CFAP299: variants seen among roughly 807,000 people sequenced by gnomAD.
CFAP299 encodes cilia and flagella associated protein 299.
In CFAP299, 21 loss-of-function variants were observed where a neutral mutation model predicts 27.0. The ratio of observed to expected loss-of-function variants is 0.78; its 90% CI spans 0.55 to 1.12. The LOEUF (loss-of-function observed/expected upper bound fraction) is 1.12, where lower values mean the gene tolerates loss of function less well. Ranked by LOEUF, CFAP299 falls within the 50% of genes most tolerant of loss-of-function variation. The pLI is 0.00. For missense variants in CFAP299, 310 were observed against 276.6 expected (o/e 1.12, Z -0.86); for synonymous variants, 104 against 98.1 (o/e 1.06, Z -0.36).
At chr4:80,796,124 G>A (rs1294870535) in intron 3 of CFAP299, among the ~76,000 whole-genome samples, 2 of 152,264 alleles carry the variant, frequency 1.3e-5, no homozygotes, top group East Asian at 3.9e-4. Context: ...ACCCAAATGA[G>A]GAATGTGTTG....
chr4:80,651,260 T>G (rs1440466298), intron 3 of CFAP299, among the ~76,000 whole-genome samples: 1 of 146,478 alleles, frequency 6.8e-6, no homozygotes, highest in African/African-American at 2.5e-5. Flanking sequence ...CCTTCCTTCC[T>G]TTCTTTCTCT....
intron 3 of CFAP299, among the ~76,000 whole-genome samples, chr4:80,634,266 G>T (rs899416838): frequency 1.3e-5 from 2 of 152,236 alleles, no homozygotes; most frequent in South Asian, 4.1e-4. Flanking sequence ...ACTGTTGTGA[G>T]CCACCGCACA....
intron 2 of CFAP299, among the ~76,000 whole-genome samples, chr4:80,517,466 G>C (rs1560604230): frequency 6.6e-6 from 1 of 152,292 alleles, no homozygotes; most frequent in Admixed American, 6.5e-5. Context: ...AAGGCATGCA[G>C]GTAGATGCAG....
chr4:80,568,010 TTTTCTGCTA>T (rs1364724267), intron 2 of CFAP299, among the ~76,000 whole-genome samples: 2 of 151,884 alleles, frequency 1.3e-5, no homozygotes, highest in Admixed American at 1.3e-4. Context: ...TATAGATTCA[TTTTCTGCTA>T]ATTCAACAAA....
chr4:80,343,854 A>C (rs1001464224), intron 1 of CFAP299, among the ~76,000 whole-genome samples: 1 of 147,444 alleles, frequency 6.8e-6, no homozygotes, highest in Non-Finnish European at 1.5e-5. Context: ...ACTCAACACC[A>C]CACAACTAAA....
intron 3 of CFAP299, among the ~76,000 whole-genome samples, chr4:80,626,385 T>C (rs1044437539): frequency 2.0e-5 from 3 of 151,742 alleles, no homozygotes; most frequent in African/African-American, 7.2e-5. Context: ...GCAAAAGCAG[T>C]TCTAAGAAGG....
At chr4:80,572,175 A>G (rs1425913786) in intron 2 of CFAP299, among the ~76,000 whole-genome samples, 1 of 152,160 alleles carries the variant, frequency 6.6e-6, no homozygotes, top group East Asian at 1.9e-4. Context: ...TCTTTGTGTA[A>G]TGAACATTCC....
chr4:80,799,878 TTATATAA>T (rs1728276273), intron 3 of CFAP299, among the ~76,000 whole-genome samples: 1 of 38,976 alleles, frequency 2.6e-5, no homozygotes, highest in African/African-American at 1.1e-4. Context: ...ATATATTATA[TTATATAA>T]TATATAAATT....
intron 3 of CFAP299, among the ~76,000 whole-genome samples, chr4:80,783,778 A>G (rs1379304465): frequency 1.3e-5 from 2 of 152,278 alleles, no homozygotes; most frequent in African/African-American, 4.8e-5. Flanking sequence ...CCTAAATTGT[A>G]ATATTGCAAC....
At chr4:80,518,769 G>A (rs1732721933) in intron 2 of CFAP299, among the ~76,000 whole-genome samples, 1 of 152,140 alleles carries the variant, frequency 6.6e-6, no homozygotes, top group Admixed American at 6.5e-5. Context: ...CTGGCGAATG[G>A]GAGTATGGGG....
chr4:80,442,593 A>G (rs539239318), intron 2 of CFAP299, among the ~76,000 whole-genome samples: 1 of 151,628 alleles, frequency 6.6e-6, no homozygotes, highest in Admixed American at 6.6e-5. Flanking sequence ...AAATGCCCAC[A>G]TGAGAAAATT....
intron 2 of CFAP299, chr4:80,386,895 T>C: frequency 2.4e-6 from 2 of 843,684 alleles, no homozygotes; most frequent in South Asian, 1.3e-5. Context: ...CACCGAGCAT[T>C]TGTAGGGCTT....
chr4:80,485,327 C>G (rs1730758764), intron 2 of CFAP299, among the ~76,000 whole-genome samples: 1 of 150,880 alleles, frequency 6.6e-6, no homozygotes, highest in Non-Finnish European at 1.5e-5. Context: ...CAGAAAAATT[C>G]AGAATGTGAG....
chr4:80,735,685 CA>C (rs576254355), intron 3 of CFAP299, among the ~76,000 whole-genome samples: 193 of 152,154 alleles, frequency 1.3e-3, no homozygotes, highest in African/African-American at 4.3e-3. Context: ...CAGCACCAGT[CA>C]AAATGATCAT....
At chr4:80,449,405 A>C (rs1268510860) in intron 2 of CFAP299, among the ~76,000 whole-genome samples, 1 of 151,754 alleles carries the variant, frequency 6.6e-6, no homozygotes, top group Admixed American at 6.6e-5. Context: ...CTCAACCTTC[A>C]TTCTATCTTT....
intron 3 of CFAP299, among the ~76,000 whole-genome samples, chr4:80,800,161 T>C (rs1337371451): frequency 1.4e-5 from 1 of 71,648 alleles, no homozygotes; most frequent in Non-Finnish European, 2.3e-5. Context: ...ATATAATATA[T>C]AATACATATA....
chr4:80,604,766 A>C (rs1341789308), intron 3 of CFAP299, among the ~76,000 whole-genome samples: 1 of 152,200 alleles, frequency 6.6e-6, no homozygotes, highest in Non-Finnish European at 1.5e-5. Context: ...ATGCAGGGAC[A>C]ACAATCAAAA....
intron 3 of CFAP299, among the ~76,000 whole-genome samples, chr4:80,726,336 GT>G (rs946361332): frequency 1.4e-4 from 21 of 152,020 alleles, no homozygotes; most frequent in African/African-American, 5.1e-4. Flanking sequence ...GAGTTTTGTG[GT>G]TTTTGCCTTT....
Position 80,754,843 on chromosome 4 carries a change from A to G in CFAP299, c.334-115150A>G, listed in dbSNP as rs1456713736. 2.0e-5 allele frequency among the ~76,000 whole-genome samples: 3 copies of G among 151,928 alleles called. No homozygotes were observed. The East Asian group carries it at 5.8e-4, about 29-fold the overall frequency. ...TTTAGAGATGCCTCTCTTCTATTAG[A>G]TTTCATGTTAGTTACTTGGTTTGTG... On this transcript the variant is annotated intron_variant, in intron 3 of 5. Transcript: ENST00000358105.
Sources: gnomAD v4.1 joint callset for allele counts (sites outside exome capture counted in the v4.1 genomes callset) on GRCh38, gnomAD v4.1.1 for gene constraint, MANE v1.5 for transcripts, NCBI Gene and HGNC (gene_info 2026-07-23, HGNC 2026-07-21) for gene names.